The following ACTN2 variants were observed in gnomAD, a reference collection of about 807,000 sequenced individuals.
ACTN2 encodes the protein actinin alpha 2.
Under a neutral mutation model 113.8 loss-of-function variants are expected in ACTN2, and 39 were observed. The ratio of observed to expected loss-of-function variants is 0.34; its 90% CI spans 0.27 to 0.45. The LOEUF (loss-of-function observed/expected upper bound fraction) is 0.45, where lower values mean the gene tolerates loss of function less well. ACTN2 is among the 20% of genes least tolerant of loss of function. The pLI, the probability that ACTN2 is intolerant of heterozygous loss-of-function variation, is 1.00. For synonymous variants in ACTN2, 429 were observed against 444.1 expected, an observed-to-expected ratio of 0.97 and a Z score of 0.43; for missense variants, 992 against 1,177.9, an observed-to-expected ratio of 0.84 and a Z score of 2.31.
chr1:236,739,168 C>T (rs539952498), intron 9 of ACTN2, 134 bp from the exon 10 acceptor site: 15 of 924,794 alleles, frequency 1.6e-5, no homozygotes, highest in East Asian at 2.5e-5. Flanking sequence ...TGCCTCTGTG[C>T]GTAGAGGTAC....
chr1:236,758,310 G>C (rs969819329), intron 18 of ACTN2, among the ~76,000 whole-genome samples: 2 of 128,628 alleles, frequency 1.6e-5, no homozygotes, highest in African/African-American at 3.2e-5. Flanking sequence ...TTAATGAGAC[G>C]GAGTCTCGCT....
At chr1:236,709,380 A>ATG (rs374148849) in intron 1 of ACTN2, among the ~76,000 whole-genome samples, 1 of 146,052 alleles carries the variant, frequency 6.8e-6, no homozygotes. Context: ...ATATATATAT[A>ATG]TGTATGTATA....
rs773256913 is a variant in ACTN2 at position 236,762,182 on chromosome 1, G to A, written c.2527-279G>A. On this transcript the variant is annotated intron_variant, in intron 20 of 20. Coordinates refer to ENST00000366578, the MANE Select transcript of ACTN2 (RefSeq NM_001103.4). ...TGGTATGAAATGCAGATCATAGTAC[G>A]TATCCTCGCATTGTGGCTCAGTTTG... is the stretch of plus-strand genomic sequence containing the variant. Among the ~76,000 whole-genome samples the A allele has an allele frequency of 2.8e-4, 42 of 151,756 alleles. 1 individual carries two copies. The highest frequency in any genetic ancestry group is 9.2e-4 in the Admixed American group (14 of 15,230).
In ACTN2 at chr1:236,717,902, C is replaced by T. The variant is rs2102893449; in HGVS notation, c.171C>T (p.Thr57=). The change falls in exon 2 of 21, where the codon ACC becomes ACT. Residue 57 remains threonine (T), a synonymous_variant. Transcript: ENST00000366578. ...WCNSHLRKAG[T]QIENIEEDFR... The stretch of plus-strand genomic sequence containing the variant: ...ACTCCCACCTAAGGAAAGCCGGCAC[C>T]CAGATTGAGAACATCGAGGAAGACT... 1 of 1,614,104 alleles carries T rather than the reference C, an allele frequency of 6.2e-7. No individual in the cohort carries two copies.
chr1:236,736,653 GAATTCAAGTGC>G (rs749740405), intron 8 of ACTN2: 1 of 1,530,188 alleles, frequency 6.5e-7, no homozygotes, highest in South Asian at 1.2e-5. Context: ...GGTCTTCAGT[GAATTCAAGTGC>G]AATGGTATAT....
At chr1:236,750,821 G>T (rs1659370978) in intron 14 of ACTN2, among the ~76,000 whole-genome samples, 1 of 152,088 alleles carries the variant, frequency 6.6e-6, no homozygotes, top group Admixed American at 6.6e-5. Context: ...GAGCATGGTG[G>T]CTCATACCTG....
In ACTN2 at chr1:236,754,430, G is replaced by T. The variant is rs900832056; in HGVS notation, c.1974+349G>T. On this transcript the variant is annotated intron_variant, in intron 16 of 20. Transcript: ENST00000366578. The surrounding 1 kb of genome is among the most constrained non-coding windows in gnomAD (Gnocchi z 4.9). ...ATCCCTACAAGGAGGACACGTGAAG[G>T]CCCACAAATACTTTGCATTTTCAGA... 6.6e-6 allele frequency among the ~76,000 whole-genome samples: 1 copy of T among 152,140 alleles called. No homozygotes were observed. Among genetic ancestry groups the T allele is most frequent in the Non-Finnish European group, 1.5e-5 (1 of 68,034 alleles).
chr1:236,713,270 C>G (rs1287110282), intron 1 of ACTN2, among the ~76,000 whole-genome samples: 1 of 151,418 alleles, frequency 6.6e-6, no homozygotes, highest in Non-Finnish European at 1.5e-5. Context: ...TCCTGTTTCC[C>G]AGGCTGTAGT....
At position 236,754,039 on chromosome 1, in the gene ACTN2, C is replaced by A. The variant is rs144680712; in HGVS notation, c.1932C>A (p.Ala644=). The A allele has an allele frequency of 5.2e-4, 832 of 1,614,114 alleles. 8 individuals are homozygous for A. The African/African-American group carries it at 9.2e-3, about 18-fold the overall frequency. Residue 644 remains alanine, a synonymous_variant, in exon 16 of 21, where the codon GCC becomes GCA. Transcript: ENST00000366578. The surrounding 1 kb of genome is among the most constrained non-coding windows in gnomAD (Gnocchi z 4.9). ...AGCGTCTGAGGCGCCAGTTTGCTGC[C>A]CAAGCCAATGCCATTGGGCCCTGGA... ...ANERLRRQFA[A]QANAIGPWIQ...
chr1:236,720,059 C>T (rs1329149080), intron 3 of ACTN2, 46 bp from the exon 4 acceptor site: 2 of 1,342,876 alleles, frequency 1.5e-6, no homozygotes, highest in Non-Finnish European at 2.1e-6. Context: ...AAGTTACGTA[C>T]AGACTATGTT....
intron 6 of ACTN2, among the ~76,000 whole-genome samples, chr1:236,729,026 A>G (rs1427340252): frequency 6.6e-6 from 1 of 152,188 alleles, no homozygotes; most frequent in Non-Finnish European, 1.5e-5. Flanking sequence ...CACAAGATTC[A>G]CTAAGGCAGC....
chr1:236,741,270 G>A (rs906515433), intron 10 of ACTN2, among the ~76,000 whole-genome samples: 1 of 152,022 alleles, frequency 6.6e-6, no homozygotes, highest in African/African-American at 2.4e-5. Context: ...AAACTCCTGG[G>A]CTCAAGCGAT....
chr1:236,736,520 CA>C, intron 8 of ACTN2: 1 of 1,313,718 alleles, frequency 7.6e-7, no homozygotes, highest in Non-Finnish European at 1.1e-6. Flanking sequence ...CGAAAGATGA[CA>C]GAGAATTGTG....
chr1:236,737,723 A>G (rs576614705), intron 9 of ACTN2, among the ~76,000 whole-genome samples: 1 of 152,070 alleles, frequency 6.6e-6, no homozygotes, highest in Non-Finnish European at 1.5e-5. Flanking sequence ...GGGAAGACAG[A>G]GCCCTCCCTG....
At chr1:236,762,436 C>A (rs1659734084) in intron 20 of ACTN2, 25 bp from the exon 21 acceptor site, 2 of 1,613,668 alleles carry the variant, frequency 1.2e-6, no homozygotes, top group Non-Finnish European at 1.7e-6. Context: ...CAACTGACTG[C>A]AAACACGTGT....
Position 236,747,745 on chromosome 1 carries a change from G to A in ACTN2, c.1485G>A (p.Thr495=), listed in dbSNP as rs201179281. 4.6e-5 allele frequency: 74 copies of A among 1,614,078 alleles called. No homozygotes were observed. The highest frequency in any genetic ancestry group is 5.8e-5 in the Non-Finnish European group (69 of 1,179,960). The change falls in exon 13 of 21, where the codon ACG becomes ACA. Residue 495 remains threonine, a synonymous_variant. Coordinates refer to ENST00000366578, the MANE Select transcript of ACTN2 (RefSeq NM_001103.4). ...KICDQWDRLG[T]LTQKRREALE... is the part of the protein sequence containing the mutation. The stretch of plus-strand genomic sequence containing the variant: ...GTGACCAGTGGGACCGACTGGGAAC[G>A]CTTACTCAGAAGAGGAGAGAAGCCC...
chr1:236,688,999 A>T (rs1409188757), intron 1 of ACTN2, among the ~76,000 whole-genome samples: 1 of 152,132 alleles, frequency 6.6e-6, no homozygotes. Context: ...CAGTTCAGAG[A>T]GTCTCATGGG....
rs116280524 is a variant in ACTN2, at chr1:236,708,790, G to A, written c.127-9068G>A. Among the ~76,000 whole-genome samples, 311 of 152,266 alleles carry A rather than the reference G, an allele frequency of 2.0e-3. 2 individuals carry two copies. The highest frequency in any genetic ancestry group is 7.1e-3 in the African/African-American group (295 of 41,544). On this transcript the variant is annotated intron_variant, in intron 1 of 20. Coordinates refer to ENST00000366578, the MANE Select transcript of ACTN2 (RefSeq NM_001103.4). Reference sequence around the variant, plus strand: ...TGCAGGACTTTTTGCCCTCACAGACGGTTAGGCCACCTACTCTCTATGAGG... The same window carrying A: ...TGCAGGACTTTTTGCCCTCACAGACAGTTAGGCCACCTACTCTCTATGAGG...
At position 236,716,835 on chromosome 1, in the gene ACTN2, A is replaced by ATTTTTTT. The variant is rs36142948; in HGVS notation, c.127-1012_127-1006dup. Among the ~76,000 whole-genome samples the ATTTTTTT allele has an allele frequency of 1.5e-4, 17 of 116,360 alleles. 1 individual carries two copies. Among genetic ancestry groups the ATTTTTTT allele is most frequent in the Admixed American group, 2.1e-4 (2 of 9,320 alleles). 76.3% of individuals were successfully genotyped at this position (116,360 alleles called of 152,430 possible). A position where few individuals can be genotyped will look rare whatever the true frequency, so the allele number is the denominator to read the frequency against. On this transcript the variant is annotated intron_variant, in intron 1 of 20. Transcript: ENST00000366578. ...TCCTCTAAAGCAACACATTTTGAAC[A>ATTTTTTT]TTTTTTTTTTTTTTTTTGAGACAGA...
Sources: gnomAD v4.1 joint callset for allele counts (sites outside exome capture counted in the v4.1 genomes callset) on GRCh38, gnomAD v4.1.1 for gene constraint, Gnocchi (gnomAD v3.1) non-coding constraint, MANE v1.5 for transcripts, NCBI Gene and HGNC (gene_info 2026-07-23, HGNC 2026-07-21) for gene names.